The following CIZ1 variants were observed in gnomAD, a reference collection of about 807,000 sequenced individuals.
CIZ1 encodes cip1-interacting zinc finger protein.
A neutral mutation model predicts 118.6 loss-of-function variants in CIZ1; 58 were observed. That is an observed-to-expected ratio of 0.49 (90% CI 0.40 to 0.61). CIZ1 has a LOEUF of 0.61. Ranked by LOEUF, CIZ1 falls within the 20% of genes least tolerant of loss-of-function variation. The pLI, the probability that CIZ1 is intolerant of heterozygous loss-of-function variation, is 0.00. For synonymous variants in CIZ1, 448 were observed against 443.4 expected (o/e 1.01, Z -0.13); for missense variants, 921 against 1,115.9 (o/e 0.83, Z 2.49).
chr9:128,169,774 G>A, intron 12 of CIZ1: 1 of 1,450,278 alleles, frequency 6.9e-7, no homozygotes, highest in Non-Finnish European at 9.3e-7. Flanking sequence ...GAGGGCAGCT[G>A]CCCAAATAAC....
At chr9:128,190,912 C>T in intron 1 of CIZ1, 50 bp from the exon 2 acceptor site, 5 of 1,490,482 alleles carry the variant, frequency 3.4e-6, no homozygotes, top group Non-Finnish European at 4.5e-6. Context: ...ATAAGTCAGG[C>T]CTGCTCCCCT....
chr9:128,192,722 T>C (rs1030744003), upstream of CIZ1, among the ~76,000 whole-genome samples: 1 of 152,186 alleles, frequency 6.6e-6, no homozygotes, highest in Non-Finnish European at 1.5e-5. Flanking sequence ...TTTGTATTTT[T>C]AATAGAGACG....
At position 128,203,243 on chromosome 9, in the gene CIZ1, A is replaced by G; in HGVS notation, c.-6+943T>C. On this transcript the variant is annotated intron_variant, in intron 1 of 17. Transcript: ENST00000372948. This position sits in a 1 kb window ranked among gnomAD's most constrained non-coding sequence, Gnocchi z 5.3. Reference sequence around the variant, plus strand: ...GCACCCCAAAAGCCGCAGAAGGTGAAAACTACGACACCCATGATGCCCCGG... The same window carrying G: ...GCACCCCAAAAGCCGCAGAAGGTGAGAACTACGACACCCATGATGCCCCGG... 5.1e-6 allele frequency: 1 copy of G among 197,774 alleles called. No homozygotes were observed. 12.3% of individuals were successfully genotyped at this position (197,774 alleles called of 1,614,324 possible).
chr9:128,177,118 G>A (rs1830959650), intron 10 of CIZ1, among the ~76,000 whole-genome samples: 1 of 152,122 alleles, frequency 6.6e-6, no homozygotes, highest in Admixed American at 6.6e-5. Flanking sequence ...TCAAACTCCT[G>A]ACCTTGTGAT....
In CIZ1 at chr9:128,179,266, C is replaced by T. The variant is rs111464781; in HGVS notation, c.941G>A (p.Arg314Gln). Reference protein sequence around the residue: ...EAQVLPRFQPRVLQVQAQVQS... With the variant: ...EAQVLPRFQPQVLQVQAQVQS... Reference sequence around the variant, plus strand: ...CACCTGGGCCTGGACCTGCAGGACCCGTGGCTGGAATCGTGGCAGCACTTG... The same window carrying T: ...CACCTGGGCCTGGACCTGCAGGACCTGTGGCTGGAATCGTGGCAGCACTTG... Residue 314 changes from arginine to glutamine, a missense_variant, in exon 8 of 17, where the codon CGG becomes CAG. Arg to Gln is a conservative substitution (Grantham distance 43, BLOSUM62 1). Coordinates refer to ENST00000372938, the MANE Select transcript of CIZ1 (RefSeq NM_001131016.2). 28 of 1,614,010 alleles carry T rather than the reference C, an allele frequency of 1.7e-5. 1 individual carries two copies. Among genetic ancestry groups the T allele is most frequent in the Non-Finnish European group, 2.1e-5 (25 of 1,180,026 alleles).
At chr9:128,182,619 G>A (rs559525085) in intron 5 of CIZ1, among the ~76,000 whole-genome samples, 2 of 151,998 alleles carry the variant, frequency 1.3e-5, no homozygotes, top group East Asian at 1.9e-4. Flanking sequence ...CCATGCCCCC[G>A]CAACCAGCCC....
At chr9:128,202,019 A>ATCG (rs966876413) in intron 1 of CIZ1, among the ~76,000 whole-genome samples, 2 of 152,204 alleles carry the variant, frequency 1.3e-5, no homozygotes, top group Admixed American at 6.5e-5. Flanking sequence ...TAACAGGGCC[A>ATCG]TCGTTATTGC....
Position 128,166,449 on chromosome 9 carries a change from C to T in CIZ1, c.2488-43G>A, listed in dbSNP as rs1166271302. 3 of 1,417,476 alleles carry T rather than the reference C, an allele frequency of 2.1e-6. No individual in the cohort carries two copies. Among genetic ancestry groups the T allele is most frequent in the Non-Finnish European group, 2.9e-6 (3 of 1,047,302 alleles). 87.8% of individuals were successfully genotyped at this position (1,417,476 alleles called of 1,614,324 possible). A position where few individuals can be genotyped will look rare whatever the true frequency, so the allele number is the denominator to read the frequency against. On this transcript the variant is annotated intron_variant, in intron 16 of 16. Transcript: ENST00000372938. This position sits in a 1 kb window ranked among gnomAD's most constrained non-coding sequence, Gnocchi z 4.4. The stretch of plus-strand genomic sequence containing the variant: ...AGGTAAGGTCAGGGTCTCCTCCCTA[C>T]ATGGTATGCTCCTGGCCAGCAGCTA...
At chr9:128,190,173 T>C (rs1332109236) in intron 3 of CIZ1, among the ~76,000 whole-genome samples, 156 bp downstream of exon 3, 1 of 152,142 alleles carries the variant, frequency 6.6e-6, no homozygotes, top group Non-Finnish European at 1.5e-5. Flanking sequence ...GCTTAGGGAC[T>C]TTCACCTCCT....
In CIZ1 at chr9:128,191,567, C is replaced by T. The variant is rs1833160807; in HGVS notation, c.-141G>A. ...GCTGCTACTCCGGGGCCTGTGGGCTCGTAAGGCCCAAATGCGGGCGGGGCC... is the reference window on the plus strand; with the variant it reads ...GCTGCTACTCCGGGGCCTGTGGGCTTGTAAGGCCCAAATGCGGGCGGGGCC... On this transcript the variant is annotated 5_prime_UTR_variant, in exon 1 of 17. Coordinates refer to ENST00000372938, the MANE Select transcript of CIZ1 (RefSeq NM_001131016.2). This position sits in a 1 kb window ranked among gnomAD's most constrained non-coding sequence, Gnocchi z 5.5. 1 of 1,102,184 alleles carries T rather than the reference C, an allele frequency of 9.1e-7. No homozygotes were observed. The highest frequency in any genetic ancestry group is 4.4e-5 in the South Asian group (1 of 22,596). 68.3% of individuals were successfully genotyped at this position (1,102,184 alleles called of 1,614,324 possible).
In CIZ1 at chr9:128,190,459, G is replaced by A; in HGVS notation, c.171-15C>T. The A allele has an allele frequency of 6.3e-7, 1 of 1,589,608 alleles. No homozygotes were observed. The highest frequency in any genetic ancestry group is 8.6e-7 in the Non-Finnish European group (1 of 1,161,252). Reference sequence around the variant, plus strand: ...GGGGGAGCCCCCTGTGTGTTGGGAGGGGGTGTCAGAGGGTTATTTGGAAAG... The same window carrying A: ...GGGGGAGCCCCCTGTGTGTTGGGAGAGGGTGTCAGAGGGTTATTTGGAAAG... On this transcript the variant is annotated splice_polypyrimidine_tract_variant and intron_variant, in intron 2 of 16. Coordinates refer to ENST00000372938, the MANE Select transcript of CIZ1 (RefSeq NM_001131016.2).
chr9:128,172,500 A>C (rs1830270964), intron 11 of CIZ1, among the ~76,000 whole-genome samples: 1 of 152,148 alleles, frequency 6.6e-6, no homozygotes, highest in Non-Finnish European at 1.5e-5. Flanking sequence ...CTCAAAAAAA[A>C]ACCAAAAAAA....
chr9:128,191,095 A>C lies in CIZ1; in HGVS notation c.-5-233T>G, dbSNP rs1833082813. On this transcript the variant is annotated intron_variant, in intron 1 of 16. Transcript: ENST00000372938. The surrounding 1 kb of genome is among the most constrained non-coding windows in gnomAD (Gnocchi z 5.5). The stretch of plus-strand genomic sequence containing the variant: ...CCACCCTCCTGCCAATGCCCCCCAG[A>C]CACTGCCAACAGCCCCTCCTTCAAG... 6.6e-6 allele frequency among the ~76,000 whole-genome samples: 1 copy of C among 151,866 alleles called. No individual in the cohort carries two copies.
At chr9:128,183,499 G>C (rs1219672039) in intron 5 of CIZ1, among the ~76,000 whole-genome samples, 1 of 152,212 alleles carries the variant, frequency 6.6e-6, no homozygotes, top group East Asian at 1.9e-4. Flanking sequence ...GCCAGCAAAG[G>C]GGGCATTGCC....
rs1833598578 is a variant in CIZ1, at chr9:128,203,339, C to T, written c.-6+847G>A. On this transcript the variant is annotated intron_variant, in intron 1 of 17. Coordinates refer to the CIZ1 transcript ENST00000372948. This position sits in a 1 kb window ranked among gnomAD's most constrained non-coding sequence, Gnocchi z 5.3. ...CCTAGCGGCGTCCGGGAGCGGTGCT[C>T]GCTCCGATCCCCGAGGGGCGGGGGC... The T allele has an allele frequency of 1.1e-6, 1 of 873,754 alleles. No individual in the cohort carries two copies. Among genetic ancestry groups the T allele is most frequent in the Non-Finnish European group, 1.5e-6 (1 of 672,826 alleles). 54.1% of individuals were successfully genotyped at this position (873,754 alleles called of 1,614,324 possible).
rs1256417025 is a variant in CIZ1, at chr9:128,177,561, A to C, written c.1818+5T>G. 1 of 1,448,316 alleles carries C rather than the reference A, an allele frequency of 6.9e-7. No homozygotes were observed. Among genetic ancestry groups the C allele is most frequent in the Non-Finnish European group, 9.2e-7 (1 of 1,085,658 alleles). 89.7% of individuals were successfully genotyped at this position (1,448,316 alleles called of 1,614,324 possible). ...CCTCCCCACCCTTATCTCCTGTATCAGTACCTGCTGGCTGGAGCAGCTGGC... is the reference window on the plus strand; with the variant it reads ...CCTCCCCACCCTTATCTCCTGTATCCGTACCTGCTGGCTGGAGCAGCTGGC... On this transcript the variant is annotated splice_donor_5th_base_variant and intron_variant, in intron 10 of 16. Coordinates refer to ENST00000372938, the MANE Select transcript of CIZ1 (RefSeq NM_001131016.2).
chr9:128,169,299 C>G, intron 13 of CIZ1, 98 bp from the exon 14 acceptor site: 1 of 1,401,546 alleles, frequency 7.1e-7, no homozygotes, highest in Admixed American at 1.7e-5. Context: ...CCAATCCCTC[C>G]AGACCCGCTG....
intron 1 of CIZ1, chr9:128,197,290 C>T (rs1564309806): frequency 6.6e-6 from 1 of 152,250 alleles, no homozygotes; most frequent in Non-Finnish European, 1.5e-5. Context: ...AGCAGCCCTT[C>T]GCGCCTTTTA....
chr9:128,174,559 C>T (rs563152127), intron 11 of CIZ1, among the ~76,000 whole-genome samples: 2 of 152,266 alleles, frequency 1.3e-5, no homozygotes, highest in South Asian at 4.1e-4. Flanking sequence ...TTTTCACTTA[C>T]AACCGCGAAG....
Sources: allele counts gnomAD v4.1 joint callset (sites outside exome capture counted in the v4.1 genomes callset), GRCh38; gene constraint gnomAD v4.1.1; non-coding constraint Gnocchi (gnomAD v3.1); transcripts MANE v1.5; gene names NCBI Gene and HGNC (gene_info 2026-07-23, HGNC 2026-07-21).